NTRK2: variants seen among roughly 807,000 people sequenced by gnomAD.
NTRK2 encodes the protein BDNF/NT-3 growth factors receptor.
A neutral mutation model predicts 94.5 loss-of-function variants in NTRK2; 13 were observed. That is an observed-to-expected ratio of 0.14 (90% confidence interval 0.09 to 0.22). The LOEUF is 0.22. Ranked by LOEUF, NTRK2 falls within the 10% of genes least tolerant of loss-of-function variation. The pLI is 1.00. For synonymous variants in NTRK2, 372 were observed against 407.4 expected, an observed-to-expected ratio of 0.91 and a Z score of 1.05; for missense variants, 639 against 1,071.2, an observed-to-expected ratio of 0.60 and a Z score of 5.63.
chr9:84,693,517 G>T (rs769039468), intron 2 of NTRK2, among the ~76,000 whole-genome samples: 16 of 152,094 alleles, frequency 1.1e-4, no homozygotes, highest in Non-Finnish European at 1.8e-4. Flanking sequence ...CATAATTTAT[G>T]TATTGAAGAG....
intron 11 of NTRK2, among the ~76,000 whole-genome samples, chr9:84,746,558 T>C (rs28477666): frequency 6.6e-5 from 10 of 152,224 alleles, no homozygotes; most frequent in African/African-American, 2.4e-4. Context: ...CAGAGTCCTC[T>C]CACTGCAATT....
At chr9:84,958,874 C>T (rs1824513982) in intron 17 of NTRK2, among the ~76,000 whole-genome samples, 1 of 152,116 alleles carries the variant, frequency 6.6e-6, no homozygotes. Context: ...ATCGATGGGG[C>T]CCATTCTGTT....
At position 84,761,776 on chromosome 9, in the gene NTRK2, T is replaced by C. The variant is rs573422574; in HGVS notation, c.1396+9691T>C. The stretch of plus-strand genomic sequence containing the variant: ...TCCAGAAAATATTGCCTCTAAGTTA[T>C]CAATAGAAGGTATTTTCTATTTAGT... On this transcript the variant is annotated intron_variant, in intron 12 of 18. Transcript: ENST00000277120. Among the ~76,000 whole-genome samples the C allele has an allele frequency of 3.3e-5, 5 of 152,356 alleles. No homozygotes were observed. In the South Asian group the frequency reaches 1.0e-3, roughly 32 times the overall value.
chr9:84,799,319 G>A (rs1188581010), intron 12 of NTRK2, among the ~76,000 whole-genome samples: 1 of 152,086 alleles, frequency 6.6e-6, no homozygotes, highest in Non-Finnish European at 1.5e-5. Flanking sequence ...AAAAAATTAG[G>A]ATGATAGTGG....
chr9:84,723,750 A>G (rs1283914500), intron 7 of NTRK2, 41 bp downstream of exon 7: 1 of 1,612,840 alleles, frequency 6.2e-7, no homozygotes, highest in Non-Finnish European at 8.5e-7. Context: ...GAGAGACAAG[A>G]GTGTTTCAGA....
intron 14 of NTRK2, among the ~76,000 whole-genome samples, chr9:84,923,978 G>A (rs2077655630): frequency 6.6e-6 from 1 of 151,962 alleles, no homozygotes; most frequent in Admixed American, 6.6e-5. Flanking sequence ...ATTGTTGAAG[G>A]AAGAAAAGTT....
chr9:84,870,217 C>T (rs1383855172), intron 14 of NTRK2, among the ~76,000 whole-genome samples: 2 of 138,486 alleles, frequency 1.4e-5, no homozygotes, highest in Non-Finnish European at 3.1e-5. Flanking sequence ...TATATGCACA[C>T]ATATAGGTAT....
rs1210125578 is a variant in NTRK2, at chr9:85,021,445, T to C, written c.*8T>C. On this transcript the variant is annotated 3_prime_UTR_variant, in exon 19 of 19. Coordinates refer to ENST00000277120, the MANE Select transcript of NTRK2 (RefSeq NM_006180.6). ...CTGGACATTCTAGGCTAGGGCCCTTTTCCCCAGACCGATCCTTCCCAACGT... is the reference window on the plus strand; with the variant it reads ...CTGGACATTCTAGGCTAGGGCCCTTCTCCCCAGACCGATCCTTCCCAACGT... The C allele has an allele frequency of 6.2e-7, 1 of 1,614,062 alleles. No individual in the cohort carries two copies. The highest frequency in any genetic ancestry group is 1.1e-5 in the South Asian group (1 of 91,066).
In NTRK2 at chr9:84,875,981, GA is replaced by G. The variant is rs879654336; in HGVS notation, c.1633+8552del. 72 of 1,036,746 alleles carry G rather than the reference GA, an allele frequency of 6.9e-5. 1 individual carries two copies. In the Admixed American group the frequency reaches 4.0e-3, roughly 57 times the overall value. 64.2% of individuals were successfully genotyped at this position (1,036,746 alleles called of 1,614,324 possible). A position where few individuals can be genotyped will look rare whatever the true frequency, so the allele number is the denominator to read the frequency against. ...TGATTTCAGAACCAAAGGCAGGGGGGAATCCCAGAAAGAAAACAATAATATA... is the reference window on the plus strand; with the variant it reads ...TGATTTCAGAACCAAAGGCAGGGGGGATCCCAGAAAGAAAACAATAATATA... On this transcript the variant is annotated intron_variant, in intron 14 of 18. Transcript: ENST00000277120.
chr9:84,683,141 C>A (rs958920529), intron 2 of NTRK2, among the ~76,000 whole-genome samples: 1 of 152,000 alleles, frequency 6.6e-6, no homozygotes, highest in African/African-American at 2.4e-5. Flanking sequence ...AGGAAAATTG[C>A]AAGATATTTG....
chr9:84,780,539 G>A (rs566509318), intron 12 of NTRK2, among the ~76,000 whole-genome samples: 7 of 152,162 alleles, frequency 4.6e-5, no homozygotes, highest in African/African-American at 7.2e-5. Flanking sequence ...CTAAATCAAC[G>A]TAGGCAGATG....
intron 17 of NTRK2, among the ~76,000 whole-genome samples, chr9:84,994,028 TA>T (rs1232766826): frequency 3.3e-5 from 5 of 152,202 alleles, no homozygotes; most frequent in Non-Finnish European, 7.3e-5. Flanking sequence ...GAAGTATTTT[TA>T]TACAAGTTTT....
At chr9:84,849,127 A>T (rs2074622998) in intron 12 of NTRK2, among the ~76,000 whole-genome samples, 1 of 152,194 alleles carries the variant, frequency 6.6e-6, no homozygotes, top group Admixed American at 6.5e-5. Context: ...ACTATTACAG[A>T]AAAAGATAAC....
intron 17 of NTRK2, among the ~76,000 whole-genome samples, chr9:84,983,144 A>G (rs980876764): frequency 6.6e-6 from 1 of 152,182 alleles, no homozygotes. Flanking sequence ...AAAAATTACT[A>G]CTACTTGCTC....
chr9:84,772,340 C>T (rs1465255344), intron 12 of NTRK2, among the ~76,000 whole-genome samples: 4 of 152,032 alleles, frequency 2.6e-5, no homozygotes, highest in African/African-American at 4.8e-5. Flanking sequence ...TTGAAACCTC[C>T]GCCTCCTGGG....
intron 17 of NTRK2, among the ~76,000 whole-genome samples, chr9:84,988,952 A>T (rs1828704786): frequency 6.6e-6 from 1 of 152,156 alleles, no homozygotes; most frequent in African/African-American, 2.4e-5. Context: ...ACAAGCTGGG[A>T]CTCTGGCTTT....
chr9:84,677,310 G>A (rs943423990), intron 2 of NTRK2, among the ~76,000 whole-genome samples: 8 of 152,100 alleles, frequency 5.3e-5, no homozygotes, highest in African/African-American at 1.7e-4. Flanking sequence ...ACTTCTCAAT[G>A]CCTCAAGATT....
At chr9:84,948,022 A>T (rs983209987) in intron 15 of NTRK2, among the ~76,000 whole-genome samples, 2 of 152,212 alleles carry the variant, frequency 1.3e-5, no homozygotes, top group Non-Finnish European at 2.9e-5. Context: ...AGGCAAACTG[A>T]TCGTTGCTGA....
chr9:84,748,244 G>A lies in NTRK2; in HGVS notation c.1296+3171G>A, dbSNP rs569570709. 5.9e-5 allele frequency among the ~76,000 whole-genome samples: 9 copies of A among 152,254 alleles called. No homozygotes were observed. In the East Asian group the frequency reaches 1.3e-3, roughly 23 times the overall value. On this transcript the variant is annotated intron_variant, in intron 11 of 18. Coordinates refer to ENST00000277120, the MANE Select transcript of NTRK2 (RefSeq NM_006180.6). ...TAAAAACCACCTCAACACATGCAAG[G>A]TACACAAAATTCTGTATTTCTCAAT... is the stretch of plus-strand genomic sequence containing the variant.
Sources: gnomAD v4.1 joint callset for allele counts (sites outside exome capture counted in the v4.1 genomes callset) on GRCh38, gnomAD v4.1.1 for gene constraint, MANE v1.5 for transcripts, NCBI Gene and HGNC (gene_info 2026-07-23, HGNC 2026-07-21) for gene names.